The following FSTL4 variants were observed in gnomAD, a reference collection of about 807,000 sequenced individuals.
FSTL4 encodes follistatin like 4.
Under a neutral mutation model 78.2 loss-of-function variants are expected in FSTL4, and 28 were observed. The observed-to-expected ratio is 0.36, with a 90% CI of 0.27 to 0.49. The LOEUF (loss-of-function observed/expected upper bound fraction) is 0.49. Among genes scored for constraint, FSTL4 ranks in the 20% least tolerant of loss-of-function variants. The pLI, the probability that FSTL4 is intolerant of heterozygous loss-of-function variation, is 0.98. For missense variants in FSTL4, 922 were observed against 1,084.9 expected (o/e 0.85, Z 2.11); for synonymous variants, 422 against 440.5 (o/e 0.96, Z 0.53).
chr5:133,635,076 A>T, the FSTL4 span, among the ~76,000 whole-genome samples: 4 of 68,478 alleles, frequency 5.8e-5, no homozygotes, highest in Admixed American at 1.4e-4. Flanking sequence ...TTTATTCTTT[A>T]AAAAAAAAAA....
rs963181430 is a variant in FSTL4, at chr5:133,606,158, T to C, written c.-10-2165A>G. On this transcript the variant is annotated intron_variant, in intron 1 of 15. Coordinates refer to ENST00000265342, the MANE Select transcript of FSTL4 (RefSeq NM_015082.2). Reference sequence around the variant, plus strand: ...TTCTTGAGATGGAGTTTCACTCTTGTAGCCTGCGCTGGAGTTCAATGGTGC... The same window carrying C: ...TTCTTGAGATGGAGTTTCACTCTTGCAGCCTGCGCTGGAGTTCAATGGTGC... Among the ~76,000 whole-genome samples, 22 of 152,350 alleles carry C rather than the reference T, an allele frequency of 1.4e-4. 1 individual carries two copies. The highest frequency in any genetic ancestry group is 6.2e-4 in the South Asian group (3 of 4,824).
chr5:133,535,090 G>A (rs770024097), intron 3 of FSTL4, among the ~76,000 whole-genome samples: 1 of 152,194 alleles, frequency 6.6e-6, no homozygotes, highest in Admixed American at 6.5e-5. Context: ...CTCATAAGAA[G>A]AGGCACAGAG....
intron 13 of FSTL4, among the ~76,000 whole-genome samples, chr5:133,213,678 C>T (rs960798993): frequency 2.2e-4 from 33 of 151,738 alleles, no homozygotes; most frequent in African/African-American, 6.8e-4. Flanking sequence ...GGCAAATCCA[C>T]AAGAAAGCAA....
rs920757229 is a variant in FSTL4 at position 133,556,626 on chromosome 5, C to A, written c.160+10560G>T. Among the ~76,000 whole-genome samples the A allele has an allele frequency of 2.6e-5, 4 of 152,218 alleles. No individual in the cohort carries two copies. In the South Asian group the frequency reaches 6.2e-4, roughly 24 times the overall value. On this transcript the variant is annotated intron_variant, in intron 3 of 15. Coordinates refer to ENST00000265342, the MANE Select transcript of FSTL4 (RefSeq NM_015082.2). The stretch of plus-strand genomic sequence containing the variant: ...CCTGTAATCTCAGTTACTCTGGAGG[C>A]TGAGGAAAGAGAATCGCTTGAACCC...
intron 7 of FSTL4, among the ~76,000 whole-genome samples, chr5:133,238,730 A>G (rs1751736707): frequency 6.6e-6 from 1 of 152,234 alleles, no homozygotes; most frequent in African/African-American, 2.4e-5. Flanking sequence ...ACACGTACCA[A>G]CATACTGGCT....
At chr5:133,432,282 T>C (rs1378000875) in intron 3 of FSTL4, among the ~76,000 whole-genome samples, 1 of 152,256 alleles carries the variant, frequency 6.6e-6, no homozygotes, top group Non-Finnish European at 1.5e-5. Flanking sequence ...GGTCTTTTTG[T>C]ATGTCACAAT....
chr5:133,634,484 A>G, the FSTL4 span, among the ~76,000 whole-genome samples: 1 of 152,042 alleles, frequency 6.6e-6, no homozygotes, highest in Non-Finnish European at 1.5e-5. Context: ...GAAAACCCAG[A>G]GAACTCATCT....
the FSTL4 span, among the ~76,000 whole-genome samples, chr5:133,685,440 G>A: frequency 1.3e-5 from 2 of 152,352 alleles, no homozygotes; most frequent in South Asian, 2.1e-4. Context: ...TGACCATCAA[G>A]AGCCTAGCAC....
At chr5:133,778,295 C>A in the FSTL4 span, among the ~76,000 whole-genome samples, 2 of 152,278 alleles carry the variant, frequency 1.3e-5, no homozygotes, top group African/African-American at 4.8e-5. Context: ...CCCACTGAAG[C>A]TTACCATCAT....
the FSTL4 span, among the ~76,000 whole-genome samples, chr5:133,758,682 G>A: frequency 0.2 from 30,832 of 152,162 alleles, 3,386 homozygotes; most frequent in East Asian, 0.41. Context: ...CTATTGCAGC[G>A]TAACAGATTA....
At position 133,339,207 on chromosome 5, in the gene FSTL4, G is replaced by C. The variant is rs868367497; in HGVS notation, c.410-22555C>G. Among the ~76,000 whole-genome samples, 11 of 152,316 alleles carry C rather than the reference G, an allele frequency of 7.2e-5. 1 individual carries two copies. The Middle Eastern group carries it at 0.02, about 283-fold the overall frequency. ...GCCCCTTTCCAAGCCTCTTCAGATCGGTGGGGCTGTGCAGAGGGCTGGCTT... is the reference window on the plus strand; with the variant it reads ...GCCCCTTTCCAAGCCTCTTCAGATCCGTGGGGCTGTGCAGAGGGCTGGCTT... On this transcript the variant is annotated intron_variant, in intron 4 of 15. Coordinates refer to ENST00000265342, the MANE Select transcript of FSTL4 (RefSeq NM_015082.2).
chr5:133,545,854 G>T (rs1759563497), intron 3 of FSTL4, among the ~76,000 whole-genome samples: 1 of 152,190 alleles, frequency 6.6e-6, no homozygotes, highest in East Asian at 1.9e-4. Flanking sequence ...TATCTAAATG[G>T]TCATGACCAG....
chr5:133,727,515 T>C, the FSTL4 span, among the ~76,000 whole-genome samples: 1 of 152,222 alleles, frequency 6.6e-6, no homozygotes, highest in South Asian at 2.1e-4. Context: ...AGGCTAACTG[T>C]AAAGGGACAA....
the FSTL4 span, among the ~76,000 whole-genome samples, chr5:133,739,718 A>T: frequency 6.6e-6 from 1 of 152,118 alleles, no homozygotes; most frequent in African/African-American, 2.4e-5. Context: ...TGCATACACA[A>T]TCTCCTTTAA....
the FSTL4 span, among the ~76,000 whole-genome samples, chr5:133,740,970 TG>T: frequency 1.3e-5 from 2 of 151,872 alleles, no homozygotes; most frequent in Non-Finnish European, 2.9e-5. Context: ...GATGGATGGA[TG>T]GATGGATGGG....
the FSTL4 span, among the ~76,000 whole-genome samples, chr5:133,787,737 C>A: frequency 6.6e-6 from 1 of 152,126 alleles, no homozygotes; most frequent in Non-Finnish European, 1.5e-5. Context: ...GACTCAAGTC[C>A]ACAGCTCCCT....
chr5:133,408,567 G>A (rs113854772), intron 3 of FSTL4, among the ~76,000 whole-genome samples: 23,647 of 150,512 alleles, frequency 0.16, 2,106 homozygotes, highest in Non-Finnish European at 0.21. Context: ...TCACTGAGGC[G>A]GGGGTGGAGC....
the FSTL4 span, among the ~76,000 whole-genome samples, chr5:133,820,569 A>G: frequency 2.0e-5 from 3 of 152,194 alleles, no homozygotes; most frequent in Non-Finnish European, 4.4e-5. Flanking sequence ...TCTGTGATTT[A>G]TACATTGCAG....
chr5:133,798,582 G>A, the FSTL4 span, among the ~76,000 whole-genome samples: 16 of 150,696 alleles, frequency 1.1e-4, no homozygotes, highest in South Asian at 6.3e-4. Flanking sequence ...AACAAGGGAC[G>A]CCATGTACAG....
Sources: gnomAD v4.1 joint callset for allele counts (sites outside exome capture counted in the v4.1 genomes callset) on GRCh38, gnomAD v4.1.1 for gene constraint, MANE v1.5 for transcripts, NCBI Gene and HGNC (gene_info 2026-07-23, HGNC 2026-07-21) for gene names.